Variants in CFAP43 observed in about 807,000 individuals in gnomAD.
The protein encoded by CFAP43 is cilia- and flagella-associated protein 43.
CFAP43 carries 155 observed loss-of-function variants against 218.9 expected under a neutral mutation model. The ratio of observed to expected loss-of-function variants is 0.71; its 90% CI spans 0.62 to 0.81. The LOEUF is 0.81. Ranked by LOEUF, CFAP43 falls within the 30% of genes least tolerant of loss-of-function variation. The probability of loss-of-function intolerance (pLI) is 0.00; values close to 1 mark genes in which losing one functional copy is unlikely to be tolerated. For missense variants in CFAP43, 1,778 were observed against 1,954.3 expected (o/e 0.91, Z 1.70); for synonymous variants, 645 against 681.3 (o/e 0.95, Z 0.83).
intron 27 of CFAP43, among the ~76,000 whole-genome samples, chr10:104,157,374 T>C (rs928419610): frequency 6.6e-6 from 1 of 152,206 alleles, no homozygotes; most frequent in Non-Finnish European, 1.5e-5. Flanking sequence ...ATATGGTTGC[T>C]ATAAAACAAC....
chr10:104,215,184 T>C (rs2090979804), intron 3 of CFAP43, among the ~76,000 whole-genome samples: 1 of 147,992 alleles, frequency 6.8e-6, no homozygotes, highest in Non-Finnish European at 1.5e-5. Flanking sequence ...AATAAAGTGG[T>C]GTATTTTAAA....
chr10:104,132,551 G>T, intron 35 of CFAP43: 1 of 718,838 alleles, frequency 1.4e-6, no homozygotes, highest in Non-Finnish European at 1.7e-6. Flanking sequence ...GGAGGTGGAG[G>T]TTGTAGTGAG....
At chr10:104,167,137 G>T (rs1256229100) in intron 22 of CFAP43, among the ~76,000 whole-genome samples, 1 of 152,194 alleles carries the variant, frequency 6.6e-6, no homozygotes, top group Non-Finnish European at 1.5e-5. Context: ...AAAAGAGTGG[G>T]TGCAAAGTTC....
chr10:104,215,183 G>C (rs1043170978), intron 3 of CFAP43, among the ~76,000 whole-genome samples: 1 of 144,316 alleles, frequency 6.9e-6, no homozygotes, highest in Non-Finnish European at 1.5e-5. Flanking sequence ...AAATAAAGTG[G>C]TGTATTTTAA....
At chr10:104,153,998 C>A (rs909005307) in intron 27 of CFAP43, among the ~76,000 whole-genome samples, 1 of 152,076 alleles carries the variant, frequency 6.6e-6, no homozygotes, top group Non-Finnish European at 1.5e-5. Context: ...ATGTTATGTC[C>A]TTCTGTGACT....
At chr10:104,215,896 A>G (rs1194863625) in intron 3 of CFAP43, among the ~76,000 whole-genome samples, 3 of 151,722 alleles carry the variant, frequency 2.0e-5, no homozygotes, top group Non-Finnish European at 4.4e-5. Context: ...CCTTCCTCCT[A>G]CCTAAGGCCA....
At chr10:104,176,217 A>T (rs1436821000) in intron 19 of CFAP43, among the ~76,000 whole-genome samples, 1 of 152,240 alleles carries the variant, frequency 6.6e-6, no homozygotes, top group Non-Finnish European at 1.5e-5. Flanking sequence ...AGGGATTGAT[A>T]GAGAAGACAT....
chr10:104,140,755 G>T (rs1468592282), intron 34 of CFAP43, 87 bp downstream of exon 34: 2 of 1,076,698 alleles, frequency 1.9e-6, no homozygotes, highest in Non-Finnish European at 2.6e-6. Context: ...GGTTAAGGCT[G>T]CAGTGAGCCA....
In CFAP43 at chr10:104,186,127, C is replaced by A; in HGVS notation, c.1861-4G>T. On this transcript the variant is annotated splice_polypyrimidine_tract_variant and splice_region_variant and intron_variant, in intron 14 of 37. Coordinates refer to ENST00000357060, the MANE Select transcript of CFAP43 (RefSeq NM_025145.7). Reference sequence around the variant, plus strand: ...GAATGTAGATACCGGTATGTTCCTGCCAATCAAAGAAAATAACCACATTAT... The same window carrying A: ...GAATGTAGATACCGGTATGTTCCTGACAATCAAAGAAAATAACCACATTAT... 1 of 1,473,074 alleles carries A rather than the reference C, an allele frequency of 6.8e-7. No homozygotes were observed. The highest frequency in any genetic ancestry group is 1.5e-5 in the South Asian group (1 of 66,774). The allele number at this position is 1,473,074 out of a possible 1,614,324, so 91.3% of individuals were successfully genotyped here.
At chr10:104,221,454 TAA>T (rs1369113691) in intron 3 of CFAP43, among the ~76,000 whole-genome samples, 1 of 152,260 alleles carries the variant, frequency 6.6e-6, no homozygotes, top group South Asian at 2.1e-4. Flanking sequence ...AGTGTCCTTA[TAA>T]AAGAGAGCTA....
intron 11 of CFAP43, chr10:104,193,345 G>A (rs2090285242): frequency 6.6e-6 from 1 of 152,316 alleles, no homozygotes; most frequent in South Asian, 2.1e-4. Context: ...AAGAAATGAG[G>A]CATTGTACAT....
chr10:104,217,612 G>A (rs2091051362), intron 3 of CFAP43, among the ~76,000 whole-genome samples: 1 of 152,154 alleles, frequency 6.6e-6, no homozygotes, highest in Admixed American at 6.5e-5. Context: ...GGCCTCCACT[G>A]CGAATGAAAA....
At chr10:104,167,550 A>G in intron 22 of CFAP43, 71 bp downstream of exon 22, 1 of 1,214,936 alleles carries the variant, frequency 8.2e-7, no homozygotes, top group Non-Finnish European at 1.1e-6. Context: ...ATCCCAACTC[A>G]AACCTGAACA....
At chr10:104,182,808 C>T (rs1022127903) in intron 16 of CFAP43, among the ~76,000 whole-genome samples, 2 of 152,050 alleles carry the variant, frequency 1.3e-5, no homozygotes, top group African/African-American at 2.4e-5. Flanking sequence ...AACTCCTGGG[C>T]TCAAATGATC....
Position 104,230,478 on chromosome 10 carries a change from AAAAC to A in CFAP43, c.319+108_319+111del. ...AAACTCCATCTCAAAACAAACACAA[AAAAC>A]AAACAAAAAAAACCTTTCAAAAAAT... On this transcript the variant is annotated intron_variant, in intron 2 of 37. Transcript: ENST00000357060. 4 of 1,399,506 alleles carry A rather than the reference AAAAC, an allele frequency of 2.9e-6. No individual in the cohort carries two copies. The South Asian group carries it at 5.8e-5, about 20-fold the overall frequency. The allele number at this position is 1,399,506 out of a possible 1,614,324, so 86.7% of individuals were successfully genotyped here.
At chr10:104,226,661 A>T (rs1027591133) in intron 2 of CFAP43, among the ~76,000 whole-genome samples, 2 of 152,216 alleles carry the variant, frequency 1.3e-5, no homozygotes, top group Non-Finnish European at 2.9e-5. Flanking sequence ...TTGAAAAAAT[A>T]CATACATATA....
chr10:104,205,887 C>T, intron 7 of CFAP43, 76 bp downstream of exon 7: 1 of 1,243,462 alleles, frequency 8.0e-7, no homozygotes, highest in South Asian at 1.3e-5. Context: ...AAATATGGCT[C>T]ATAATAGTAA....
intron 5 of CFAP43, among the ~76,000 whole-genome samples, chr10:104,210,364 T>G (rs2090817183): frequency 6.6e-6 from 1 of 152,274 alleles, no homozygotes. Flanking sequence ...ATTTTTATTT[T>G]AGTTTAGCTT....
intron 17 of CFAP43, among the ~76,000 whole-genome samples, chr10:104,182,111 A>T (rs1228439481): frequency 6.6e-6 from 1 of 152,242 alleles, no homozygotes; most frequent in Non-Finnish European, 1.5e-5. Context: ...TGTGGGTAGA[A>T]GATTTTTTTT....
Sources: allele counts gnomAD v4.1 joint callset (sites outside exome capture counted in the v4.1 genomes callset), GRCh38; gene constraint gnomAD v4.1.1; transcripts MANE v1.5; gene names NCBI Gene and HGNC (gene_info 2026-07-23, HGNC 2026-07-21).